Variants in CNTN4 observed in about 807,000 individuals in gnomAD.
CNTN4 encodes contactin-4.
A neutral mutation model predicts 122.5 loss-of-function variants in CNTN4; 77 were observed. That is an observed-to-expected ratio of 0.63 (90% confidence interval 0.52 to 0.76). CNTN4 has a LOEUF of 0.76. Ranked by LOEUF, CNTN4 falls within the 30% of genes least tolerant of loss-of-function variation. The pLI, the probability that CNTN4 is intolerant of heterozygous loss-of-function variation, is 0.00. For missense variants in CNTN4, 1,256 were observed against 1,259.1 expected (o/e 1.00, Z 0.04); for synonymous variants, 512 against 447.0 (o/e 1.15, Z -1.83).
intron 4 of CNTN4, among the ~76,000 whole-genome samples, chr3:2,608,703 G>A (rs542901633): frequency 4.7e-4 from 71 of 149,934 alleles, no homozygotes; most frequent in East Asian, 2.1e-3. Flanking sequence ...GGCTGATCTC[G>A]AACTCCTGAC....
chr3:2,821,990 C>G (rs1394031404), intron 7 of CNTN4, among the ~76,000 whole-genome samples: 1 of 152,102 alleles, frequency 6.6e-6, no homozygotes, highest in African/African-American at 2.4e-5. Context: ...CAGAAAATAA[C>G]AATTAGTAAA....
At chr3:2,743,332 A>C (rs2089571914) in intron 5 of CNTN4, among the ~76,000 whole-genome samples, 2 of 152,204 alleles carry the variant, frequency 1.3e-5, no homozygotes, top group Admixed American at 6.5e-5. Flanking sequence ...AGCTGCTAGA[A>C]TATAACCTGG....
intron 3 of CNTN4, among the ~76,000 whole-genome samples, chr3:2,408,755 T>C (rs2047124506): frequency 6.6e-6 from 1 of 152,158 alleles, no homozygotes; most frequent in African/African-American, 2.4e-5. Flanking sequence ...AGCTTCATCA[T>C]AGAATAAAAT....
In CNTN4 at chr3:3,042,389, G is replaced by A. The variant is rs1700243041; in HGVS notation, c.2478G>A (p.Leu826=). Residue 826 remains leucine (L), a synonymous_variant, in exon 21 of 25, where the codon CTG becomes CTA. Coordinates refer to ENST00000418658, the MANE Select transcript of CNTN4 (RefSeq NM_175607.3). ...TDIEVFWASP[L]EKNRGRIQGY... ...TTGAAGTTTTCTGGGCCTCCCCACTGGAGAAGAATAGAGGACGAATACAAG... is the reference window on the plus strand; with the variant it reads ...TTGAAGTTTTCTGGGCCTCCCCACTAGAGAAGAATAGAGGACGAATACAAG... 2 of 1,613,514 alleles carry A rather than the reference G, an allele frequency of 1.2e-6. No homozygotes were observed. Among genetic ancestry groups the A allele is most frequent in the African/African-American group, 2.7e-5 (2 of 74,912 alleles).
chr3:2,524,210 G>A (rs1413361577), intron 3 of CNTN4, among the ~76,000 whole-genome samples: 1 of 152,012 alleles, frequency 6.6e-6, no homozygotes, highest in Non-Finnish European at 1.5e-5. Context: ...TCGTCTGGAT[G>A]TTTTATATAA....
chr3:3,038,836 G>A, intron 18 of CNTN4, 97 bp from the exon 19 acceptor site: 1 of 908,410 alleles, frequency 1.1e-6, no homozygotes, highest in Non-Finnish European at 1.8e-6. Context: ...GTGCCTCAGA[G>A]TACTCACTGA....
chr3:2,606,436 G>C lies in CNTN4; in HGVS notation c.55+34878G>C, dbSNP rs1411478182. On this transcript the variant is annotated intron_variant, in intron 4 of 24. Transcript: ENST00000418658. ...GTTGATAGGTGCAGCAAACCATTAT[G>C]GCACACGTTTACCTATGTAACAAAC... Among the ~76,000 whole-genome samples, 3 of 152,078 alleles carry C rather than the reference G, an allele frequency of 2.0e-5. No homozygotes were observed. In the East Asian group the frequency reaches 5.8e-4, roughly 29 times the overall value.
intron 3 of CNTN4, among the ~76,000 whole-genome samples, chr3:2,425,992 A>G (rs1313947176): frequency 6.6e-6 from 1 of 152,224 alleles, no homozygotes; most frequent in Non-Finnish European, 1.5e-5. Flanking sequence ...TTTTCTAAAT[A>G]TACAATCATG....
chr3:2,722,206 G>T (rs1452263000), intron 4 of CNTN4, among the ~76,000 whole-genome samples: 1 of 152,098 alleles, frequency 6.6e-6, no homozygotes, highest in African/African-American at 2.4e-5. Flanking sequence ...TTCACAATAC[G>T]AATGACCTTT....
At chr3:3,028,309 A>G (rs1422835620) in intron 15 of CNTN4, among the ~76,000 whole-genome samples, 1 of 151,952 alleles carries the variant, frequency 6.6e-6, no homozygotes, top group African/African-American at 2.4e-5. Flanking sequence ...AACATAAAAA[A>G]TGTAGATCTT....
chr3:2,395,479 CTG>C (rs1323567810), intron 3 of CNTN4, among the ~76,000 whole-genome samples: 2 of 152,182 alleles, frequency 1.3e-5, no homozygotes, highest in African/African-American at 2.4e-5. Context: ...ACATGGTACA[CTG>C]TGCAGGTTTG....
intron 13 of CNTN4, among the ~76,000 whole-genome samples, chr3:2,926,301 T>A (rs1461290058): frequency 6.6e-6 from 1 of 152,224 alleles, no homozygotes; most frequent in Non-Finnish European, 1.5e-5. Context: ...CAACTACATA[T>A]TTTTGAGAAA....
intron 13 of CNTN4, among the ~76,000 whole-genome samples, chr3:2,954,422 G>A (rs529101447): frequency 4.2e-4 from 64 of 152,124 alleles, no homozygotes; most frequent in African/African-American, 1.4e-3. Flanking sequence ...ATATTAAATT[G>A]TCATTGTGTC....
At chr3:2,842,265 T>C (rs2093375482) in intron 7 of CNTN4, among the ~76,000 whole-genome samples, 1 of 152,140 alleles carries the variant, frequency 6.6e-6, no homozygotes, top group African/African-American at 2.4e-5. Context: ...GATATTGGTG[T>C]CTTTATCTTG....
intron 3 of CNTN4, among the ~76,000 whole-genome samples, chr3:2,443,801 G>C (rs1351242628): frequency 6.6e-6 from 1 of 152,202 alleles, no homozygotes; most frequent in Non-Finnish European, 1.5e-5. Flanking sequence ...GTGAAGTTCA[G>C]TGTTTCTTTT....
At chr3:2,169,648 C>T (rs1373940082) in intron 2 of CNTN4, among the ~76,000 whole-genome samples, 1 of 152,036 alleles carries the variant, frequency 6.6e-6, no homozygotes, top group Non-Finnish European at 1.5e-5. Flanking sequence ...CCACCCGCCT[C>T]CGCCTCCCAA....
At chr3:2,755,718 C>T (rs1281978046) in intron 6 of CNTN4, among the ~76,000 whole-genome samples, 1 of 152,104 alleles carries the variant, frequency 6.6e-6, no homozygotes, top group Non-Finnish European at 1.5e-5. Context: ...TGACATAAGA[C>T]AATCAATGAA....
intron 13 of CNTN4, among the ~76,000 whole-genome samples, chr3:2,986,565 G>A (rs2125266380): frequency 1.3e-5 from 2 of 152,254 alleles, no homozygotes; most frequent in East Asian, 3.9e-4. Context: ...CTTCAAAAAA[G>A]TATATGCAGC....
intron 2 of CNTN4, among the ~76,000 whole-genome samples, chr3:2,327,736 T>C (rs2043520877): frequency 6.6e-6 from 1 of 152,182 alleles, no homozygotes; most frequent in Non-Finnish European, 1.5e-5. Context: ...AATAAATAGA[T>C]GTTCCTAGCA....
Sources: gnomAD v4.1 joint callset for allele counts (sites outside exome capture counted in the v4.1 genomes callset) on GRCh38, gnomAD v4.1.1 for gene constraint, MANE v1.5 for transcripts, NCBI Gene and HGNC (gene_info 2026-07-23, HGNC 2026-07-21) for gene names.